Variants in AMBRA1 observed in about 807,000 individuals in gnomAD.
AMBRA1 encodes autophagy and beclin 1 regulator 1, also known as activating molecule in BECN1-regulated autophagy protein 1.
Under a neutral mutation model 125.4 loss-of-function variants are expected in AMBRA1, and 47 were observed. That is an observed-to-expected ratio of 0.37 (90% CI 0.30 to 0.48). The LOEUF (loss-of-function observed/expected upper bound fraction) is 0.48. AMBRA1 is among the 20% of genes least tolerant of loss of function. The pLI, the probability that AMBRA1 is intolerant of heterozygous loss-of-function variation, is 0.99. For synonymous variants in AMBRA1, 626 were observed against 655.5 expected (o/e 0.95, Z 0.69); for missense variants, 1,331 against 1,693.4 (o/e 0.79, Z 3.76).
At chr11:46,537,639 A>G (rs1261492516) in intron 7 of AMBRA1, among the ~76,000 whole-genome samples, 1 of 152,214 alleles carries the variant, frequency 6.6e-6, no homozygotes, top group African/African-American at 2.4e-5. Context: ...AGACTATTAT[A>G]AAAAGACAGT....
chr11:46,576,426 C>T (rs1357879951), intron 1 of AMBRA1, among the ~76,000 whole-genome samples: 2 of 152,096 alleles, frequency 1.3e-5, no homozygotes, highest in Admixed American at 1.3e-4. Flanking sequence ...CTGTGCCCAG[C>T]CAGACATATT....
At chr11:46,567,805 A>G (rs2043588435) in intron 1 of AMBRA1, among the ~76,000 whole-genome samples, 2 of 152,084 alleles carry the variant, frequency 1.3e-5, no homozygotes, top group Admixed American at 6.5e-5. Context: ...ACCCCAAACC[A>G]ATCAGCAGCA....
chr11:46,509,320 A>G (rs1380425397), intron 8 of AMBRA1, among the ~76,000 whole-genome samples: 1 of 152,200 alleles, frequency 6.6e-6, no homozygotes, highest in Non-Finnish European at 1.5e-5. Flanking sequence ...ATATAATTTG[A>G]CGCTATGGAC....
chr11:46,415,430 T>G (rs1946494007), intron 15 of AMBRA1, among the ~76,000 whole-genome samples: 1 of 152,224 alleles, frequency 6.6e-6, no homozygotes, highest in South Asian at 2.1e-4. Flanking sequence ...CGTCAGAATT[T>G]TAAAGGGGTT....
intron 11 of AMBRA1, among the ~76,000 whole-genome samples, chr11:46,452,432 C>T (rs1253381274): frequency 2.6e-5 from 4 of 152,138 alleles, no homozygotes; most frequent in African/African-American, 4.8e-5. Flanking sequence ...ATCCTCCTGC[C>T]TCAGACTTCC....
intron 11 of AMBRA1, among the ~76,000 whole-genome samples, chr11:46,460,986 T>C (rs184776580): frequency 1.3e-5 from 2 of 152,336 alleles, no homozygotes; most frequent in Admixed American, 1.3e-4. Context: ...TGCACACTTA[T>C]AATCCCAGCA....
At position 46,433,483 on chromosome 11, in the gene AMBRA1, G is replaced by A; in HGVS notation, c.2967C>T (p.Thr989=). The A allele has an allele frequency of 6.2e-7, 1 of 1,614,108 alleles. No homozygotes were observed. The highest frequency in any genetic ancestry group is 2.2e-5 in the East Asian group (1 of 44,882). The stretch of plus-strand genomic sequence containing the variant: ...AAGCAATGGCACTCACCCTCATGGA[G>A]GTCTCTCCACCATGGGCCTGTTGCA... The part of the protein sequence containing the change: ...FRLQQAHGGE[T]SMRRVFNVLY... Residue 989 remains threonine, a synonymous_variant, in exon 14 of 18, where the codon ACC becomes ACT. Transcript: ENST00000683756.
chr11:46,477,971 G>A (rs986540944), intron 11 of AMBRA1, among the ~76,000 whole-genome samples: 5 of 151,464 alleles, frequency 3.3e-5, no homozygotes, highest in Non-Finnish European at 7.4e-5. Context: ...TCTCTACTTT[G>A]AAAAGAACCC....
At chr11:46,444,195 G>A (rs1482751121) in intron 11 of AMBRA1, among the ~76,000 whole-genome samples, 2 of 152,138 alleles carry the variant, frequency 1.3e-5, no homozygotes, top group Non-Finnish European at 2.9e-5. Context: ...CCCCTGGCAC[G>A]TAACACAATA....
In AMBRA1 at chr11:46,514,720, C is replaced by T. The variant is rs116807427; in HGVS notation, c.2073-1907G>A. ...AAACTCCTAGCCTCAAGTGATCCTC[C>T]TGCCTCGGCCTCCCAAAGTCCCAGG... On this transcript the variant is annotated intron_variant, in intron 7 of 17. Transcript: ENST00000683756. Among the ~76,000 whole-genome samples, 1,048 of 152,088 alleles carry T rather than the reference C, an allele frequency of 6.9e-3. 17 individuals carry two copies. The highest frequency in any genetic ancestry group is 0.024 in the African/African-American group (1,000 of 41,458).
At chr11:46,532,326 AATT>A (rs79413317) in intron 7 of AMBRA1, among the ~76,000 whole-genome samples, 19 of 152,212 alleles carry the variant, frequency 1.2e-4, no homozygotes, top group Non-Finnish European at 2.4e-4. Context: ...TCAAGGTGGC[AATT>A]ATTAGAATAA....
chr11:46,452,926 G>C (rs1386157297), intron 11 of AMBRA1, among the ~76,000 whole-genome samples: 1 of 152,144 alleles, frequency 6.6e-6, no homozygotes, highest in Non-Finnish European at 1.5e-5. Context: ...GCTTTACTGA[G>C]ATATAACTTA....
chr11:46,558,342 A>G (rs976920649), intron 1 of AMBRA1, among the ~76,000 whole-genome samples: 5 of 152,080 alleles, frequency 3.3e-5, no homozygotes, highest in African/African-American at 1.2e-4. Flanking sequence ...CGAGGTCAGG[A>G]GTGCGAGACC....
intron 15 of AMBRA1, among the ~76,000 whole-genome samples, chr11:46,414,119 C>A (rs189531383): frequency 6.6e-6 from 1 of 152,202 alleles, no homozygotes; most frequent in Non-Finnish European, 1.5e-5. Flanking sequence ...CTCAGTGTCA[C>A]GATGCTCTCT....
At position 46,530,117 on chromosome 11, in the gene AMBRA1, A is replaced by G. The variant is rs145674394; in HGVS notation, c.2072+11828T>C. Among the ~76,000 whole-genome samples the G allele has an allele frequency of 6.9e-3, 1,058 of 152,328 alleles. 32 individuals carry two copies. The highest frequency in any genetic ancestry group is 0.062 in the Admixed American group (944 of 15,294). ...TTAGAGCACTACTCTGAATAGATAC[A>G]GTAGAGAAGGGGATCTGAAGGGGGA... is the stretch of plus-strand genomic sequence containing the variant. On this transcript the variant is annotated intron_variant, in intron 7 of 17. Coordinates refer to ENST00000683756, the MANE Select transcript of AMBRA1 (RefSeq NM_001387011.1).
chr11:46,581,524 G>A (rs1008306950), intron 1 of AMBRA1, among the ~76,000 whole-genome samples: 48 of 151,920 alleles, frequency 3.2e-4, no homozygotes, highest in African/African-American at 1.1e-3. Flanking sequence ...GGAGAATGAC[G>A]TGAGCCCGGA....
At chr11:46,405,668 G>C (rs2136602697) in intron 17 of AMBRA1, among the ~76,000 whole-genome samples, 1 of 152,218 alleles carries the variant, frequency 6.6e-6, no homozygotes, top group African/African-American at 2.4e-5. Context: ...CAGGACTGCA[G>C]TGAGCCATGA....
chr11:46,487,227 C>T (rs1448480532), intron 11 of AMBRA1, among the ~76,000 whole-genome samples: 1 of 150,960 alleles, frequency 6.6e-6, no homozygotes, highest in African/African-American at 2.4e-5. Context: ...CACTGCACTC[C>T]AGCCTGGGCA....
At chr11:46,432,211 T>C (rs1025505575) in intron 14 of AMBRA1, among the ~76,000 whole-genome samples, 8 of 152,130 alleles carry the variant, frequency 5.3e-5, no homozygotes, top group African/African-American at 1.2e-4. Flanking sequence ...TGCAGTTTGG[T>C]GTGACAAGTA....
Sources: allele counts gnomAD v4.1 joint callset (sites outside exome capture counted in the v4.1 genomes callset), GRCh38; gene constraint gnomAD v4.1.1; transcripts MANE v1.5; gene names NCBI Gene and HGNC (gene_info 2026-07-23, HGNC 2026-07-21).